The following AFG1L variants were observed in gnomAD, a reference collection of about 807,000 sequenced individuals.
AFG1L encodes the protein AFG1-like ATPase.
In AFG1L, 53 loss-of-function variants were observed where a neutral mutation model predicts 62.2. The observed-to-expected ratio is 0.85, with a 90% CI of 0.68 to 1.07. The LOEUF (loss-of-function observed/expected upper bound fraction) is 1.07. Among genes scored for constraint, AFG1L ranks in the 50% least tolerant of loss-of-function variants. The probability of loss-of-function intolerance (pLI) is 0.00; values close to 1 mark genes in which losing one functional copy is unlikely to be tolerated. For synonymous variants in AFG1L, 228 were observed against 210.3 expected (o/e 1.08, Z -0.73); for missense variants, 555 against 590.5 (o/e 0.94, Z 0.62).
chr6:108,517,958 C>T (rs1006980012), intron 11 of AFG1L, among the ~76,000 whole-genome samples: 1 of 152,162 alleles, frequency 6.6e-6, no homozygotes, highest in Non-Finnish European at 1.5e-5. Context: ...AATGAGATAC[C>T]ATCTCACACC....
intron 1 of AFG1L, among the ~76,000 whole-genome samples, chr6:108,319,033 G>A (rs770962539): frequency 6.6e-6 from 1 of 152,130 alleles, no homozygotes; most frequent in Non-Finnish European, 1.5e-5. Context: ...CTGACTAGCT[G>A]AATTTATGCC....
rs181034142 is a variant in AFG1L, at chr6:108,418,109, T to C, written c.807+16055T>C. ...GGCCTCCCAAAGACAAATATAATTG[T>C]TAAAGCATTTGTTGGTATCTATATA... On this transcript the variant is annotated intron_variant, in intron 7 of 12. Transcript: ENST00000368977. 2.3e-4 allele frequency among the ~76,000 whole-genome samples: 35 copies of C among 152,222 alleles called. No homozygotes were observed. In the East Asian group the frequency reaches 5.4e-3, roughly 24 times the overall value.
chr6:108,393,770 A>G lies in AFG1L; in HGVS notation c.749-8226A>G, dbSNP rs187870143. Among the ~76,000 whole-genome samples the G allele has an allele frequency of 6.0e-4, 91 of 152,342 alleles. No homozygotes were observed. The Middle Eastern group carries it at 0.031, about 51-fold the overall frequency. Reference sequence around the variant, plus strand: ...AGTGTAGTATCTTAGTTTTAATTCTATAACATTGTGCTCTTTAATAATCAC... The same window carrying G: ...AGTGTAGTATCTTAGTTTTAATTCTGTAACATTGTGCTCTTTAATAATCAC... On this transcript the variant is annotated intron_variant, in intron 6 of 12. Coordinates refer to ENST00000368977, the MANE Select transcript of AFG1L (RefSeq NM_145315.5).
At chr6:108,401,203 C>T (rs932387170) in intron 6 of AFG1L, among the ~76,000 whole-genome samples, 1 of 145,228 alleles carries the variant, frequency 6.9e-6, no homozygotes, top group Non-Finnish European at 1.5e-5. Flanking sequence ...ACTGCAGTGG[C>T]GCAATCTCGG....
Position 108,525,624 on chromosome 6 carries a change from C to T in AFG1L, c.*3199C>T, listed in dbSNP as rs914881806. On this transcript the variant is annotated 3_prime_UTR_variant, in exon 13 of 13. Coordinates refer to ENST00000368977, the MANE Select transcript of AFG1L (RefSeq NM_145315.5). ...TGTGTCCTGGGCATGGTTCTATGTGCTTTATAAATAAACTCTTTTGATCCA... is the reference window on the plus strand; with the variant it reads ...TGTGTCCTGGGCATGGTTCTATGTGTTTTATAAATAAACTCTTTTGATCCA... 2.0e-5 allele frequency: 3 copies of T among 152,100 alleles called. No homozygotes were observed. The highest frequency in any genetic ancestry group is 7.2e-5 in the African/African-American group (3 of 41,402). The allele number at this position is 152,100 out of a possible 1,614,324, so 9.4% of individuals were successfully genotyped here. A position where few individuals can be genotyped will look rare whatever the true frequency, so the allele number is the denominator to read the frequency against.
intron 2 of AFG1L, among the ~76,000 whole-genome samples, chr6:108,329,449 C>T (rs1778186498): frequency 6.6e-6 from 1 of 151,942 alleles, no homozygotes; most frequent in Non-Finnish European, 1.5e-5. Flanking sequence ...CAGGCGCCCA[C>T]CACCACGCCT....
chr6:108,383,862 A>G (rs1038596756), intron 6 of AFG1L, among the ~76,000 whole-genome samples: 1 of 152,184 alleles, frequency 6.6e-6, no homozygotes, highest in African/African-American at 2.4e-5. Context: ...AAGCTAGAAA[A>G]CAGCAAAAAA....
intron 6 of AFG1L, among the ~76,000 whole-genome samples, chr6:108,383,165 G>A (rs535533981): frequency 9.9e-5 from 15 of 152,192 alleles, no homozygotes; most frequent in African/African-American, 2.9e-4. Flanking sequence ...CCCAGGAGGC[G>A]GAGGTTGCAG....
intron 2 of AFG1L, among the ~76,000 whole-genome samples, chr6:108,327,156 ATAAT>A (rs978174121): frequency 6.6e-5 from 10 of 152,254 alleles, no homozygotes; most frequent in African/African-American, 2.2e-4. Flanking sequence ...TCCTGAGAGT[ATAAT>A]TAATTTTATT....
chr6:108,330,591 G>T (rs1053503390), intron 2 of AFG1L, among the ~76,000 whole-genome samples: 2 of 152,184 alleles, frequency 1.3e-5, no homozygotes, highest in Non-Finnish European at 2.9e-5. Context: ...AGTGGAAACT[G>T]TAAGGGACAA....
In AFG1L at chr6:108,422,477, C is replaced by CAAAA. The variant is rs539232525; in HGVS notation, c.807+20442_807+20445dup. On this transcript the variant is annotated intron_variant, in intron 7 of 12. Coordinates refer to ENST00000368977, the MANE Select transcript of AFG1L (RefSeq NM_145315.5). ...ATATTTTTTTAAAATTAGTCCTCAG[C>CAAAA]AAAAAAAAAAAAAAAAAAAAAAGAA... Among the ~76,000 whole-genome samples the CAAAA allele has an allele frequency of 5.2e-3, 239 of 45,574 alleles. 4 individuals are homozygous for CAAAA. The highest frequency in any genetic ancestry group is 0.024 in the Middle Eastern group (1 of 42). The allele number at this position is 45,574 out of a possible 152,430, so 29.9% of individuals were successfully genotyped here. A position where few individuals can be genotyped will look rare whatever the true frequency, so the allele number is the denominator to read the frequency against.
At chr6:108,472,228 G>A (rs1772924352) in intron 8 of AFG1L, among the ~76,000 whole-genome samples, 1 of 152,094 alleles carries the variant, frequency 6.6e-6, no homozygotes, top group Non-Finnish European at 1.5e-5. Context: ...GAGGAGAAGG[G>A]GAAGGGATGA....
intron 8 of AFG1L, among the ~76,000 whole-genome samples, chr6:108,473,932 T>C (rs1404866083): frequency 6.6e-6 from 1 of 152,198 alleles, no homozygotes; most frequent in Admixed American, 6.5e-5. Context: ...ATTTGTTACA[T>C]AGGTAAATGT....
In AFG1L at chr6:108,376,379, G is replaced by A. The variant is rs533401431; in HGVS notation, c.748+10047G>A. Among the ~76,000 whole-genome samples, 7 of 151,882 alleles carry A rather than the reference G, an allele frequency of 4.6e-5. No individual in the cohort carries two copies. The South Asian group carries it at 6.3e-4, about 14-fold the overall frequency. Reference sequence around the variant, plus strand: ...GTTAGTTTGTTTTTGTTTTTTTCTAGTTCTTCTAGGTGTGATGTTGGATTG... The same window carrying A: ...GTTAGTTTGTTTTTGTTTTTTTCTAATTCTTCTAGGTGTGATGTTGGATTG... On this transcript the variant is annotated intron_variant, in intron 6 of 12. Coordinates refer to ENST00000368977, the MANE Select transcript of AFG1L (RefSeq NM_145315.5).
intron 7 of AFG1L, among the ~76,000 whole-genome samples, chr6:108,434,140 C>A (rs1430549782): frequency 6.6e-6 from 1 of 152,202 alleles, no homozygotes; most frequent in African/African-American, 2.4e-5. Context: ...GGTTCTGACA[C>A]ATGTATATTG....
chr6:108,501,932 T>C (rs1774221502), intron 10 of AFG1L, among the ~76,000 whole-genome samples: 1 of 152,218 alleles, frequency 6.6e-6, no homozygotes, highest in African/African-American at 2.4e-5. Flanking sequence ...CATACTTTAA[T>C]TTAAAAATGC....
In AFG1L at chr6:108,301,878, T is replaced by A. The variant is rs540029896; in HGVS notation, c.139+6660T>A. ...TGAGTAGCAACCAGAGATCACTGATTGATTTACAAGAATAAGCAGAGCCAG... is the reference window on the plus strand; with the variant it reads ...TGAGTAGCAACCAGAGATCACTGATAGATTTACAAGAATAAGCAGAGCCAG... On this transcript the variant is annotated intron_variant, in intron 1 of 12. Coordinates refer to ENST00000368977, the MANE Select transcript of AFG1L (RefSeq NM_145315.5). Among the ~76,000 whole-genome samples the A allele has an allele frequency of 1.2e-4, 18 of 152,254 alleles. No individual in the cohort carries two copies. The East Asian group carries it at 2.7e-3, about 23-fold the overall frequency.
intron 7 of AFG1L, among the ~76,000 whole-genome samples, chr6:108,419,902 A>C (rs1377174133): frequency 3.9e-5 from 6 of 152,156 alleles, no homozygotes; most frequent in Non-Finnish European, 8.8e-5. Flanking sequence ...CTTAGATAAA[A>C]TGCTTCAGTG....
At chr6:108,479,496 C>T (rs1338365279) in intron 10 of AFG1L, among the ~76,000 whole-genome samples, 2 of 152,018 alleles carry the variant, frequency 1.3e-5, no homozygotes, top group Admixed American at 6.5e-5. Context: ...GGGGTTAGGT[C>T]GCAGTGTTAA....
Sources: gnomAD v4.1 joint callset for allele counts (sites outside exome capture counted in the v4.1 genomes callset) on GRCh38, gnomAD v4.1.1 for gene constraint, MANE v1.5 for transcripts, NCBI Gene and HGNC (gene_info 2026-07-23, HGNC 2026-07-21) for gene names.